Variants in SLC44A5 observed in about 807,000 individuals in gnomAD.
SLC44A5 encodes solute carrier family 44 member 5.
Under a neutral mutation model 101.8 loss-of-function variants are expected in SLC44A5, and 57 were observed. That is an observed-to-expected ratio of 0.56 (90% CI 0.45 to 0.70). SLC44A5 has a LOEUF of 0.70. Ranked by LOEUF, SLC44A5 falls within the 30% of genes least tolerant of loss-of-function variation. SLC44A5 has a pLI of 0.00. For synonymous variants in SLC44A5, 281 were observed against 290.9 expected (o/e 0.97, Z 0.35); for missense variants, 737 against 853.1 (o/e 0.86, Z 1.70).
intron 2 of SLC44A5, among the ~76,000 whole-genome samples, chr1:75,504,364 T>A (rs1038215447): frequency 6.6e-6 from 1 of 152,162 alleles, no homozygotes; most frequent in Non-Finnish European, 1.5e-5. Flanking sequence ...CATATATTTC[T>A]TAATGTTTGT....
chr1:75,646,510 G>A, the SLC44A5 span, among the ~76,000 whole-genome samples: 6 of 152,090 alleles, frequency 3.9e-5, no homozygotes, highest in Non-Finnish European at 8.8e-5. Context: ...CAGTTGATAT[G>A]GCCTGGCTCT....
chr1:75,429,519 G>A (rs1335023373), intron 2 of SLC44A5, among the ~76,000 whole-genome samples: 1 of 152,156 alleles, frequency 6.6e-6, no homozygotes, highest in African/African-American at 2.4e-5. Context: ...GTGGGCATAA[G>A]TGTTGGTCTG....
At chr1:75,253,896 T>C (rs1365451711) in intron 6 of SLC44A5, among the ~76,000 whole-genome samples, 1 of 152,198 alleles carries the variant, frequency 6.6e-6, no homozygotes, top group Non-Finnish European at 1.5e-5. Flanking sequence ...TGTTTTGGAA[T>C]GAATGAGACC....
intron 2 of SLC44A5, among the ~76,000 whole-genome samples, chr1:75,466,735 C>T (rs1368399957): frequency 6.7e-6 from 1 of 149,576 alleles, no homozygotes; most frequent in East Asian, 2.0e-4. Context: ...TAGCTATTAT[C>T]ATACTGAATG....
chr1:75,543,674 C>T (rs920370744), intron 1 of SLC44A5, among the ~76,000 whole-genome samples: 2 of 90,916 alleles, frequency 2.2e-5, no homozygotes, highest in African/African-American at 8.9e-5. Context: ...CATATATACA[C>T]ACATATATAT....
chr1:75,297,319 C>T (rs1487950431), intron 5 of SLC44A5, among the ~76,000 whole-genome samples: 6 of 152,200 alleles, frequency 3.9e-5, no homozygotes, highest in Admixed American at 3.3e-4. Flanking sequence ...AAGTCTGGCT[C>T]TATCACCCAG....
At chr1:75,648,271 T>A in the SLC44A5 span, among the ~76,000 whole-genome samples, 1 of 152,202 alleles carries the variant, frequency 6.6e-6, no homozygotes, top group Non-Finnish European at 1.5e-5. Context: ...CCATGATGTT[T>A]AAAAGTTTCC....
the SLC44A5 span, among the ~76,000 whole-genome samples, chr1:75,626,845 T>C: frequency 6.6e-6 from 1 of 152,150 alleles, no homozygotes; most frequent in Non-Finnish European, 1.5e-5. Context: ...TATGCTTCTG[T>C]TCTTAAAGCT....
the SLC44A5 span, among the ~76,000 whole-genome samples, chr1:75,681,153 A>T: frequency 4.6e-5 from 7 of 152,302 alleles, no homozygotes; most frequent in Admixed American, 6.5e-5. Context: ...CCAGGACCAG[A>T]TGGATTCACA....
chr1:75,662,409 G>A, the SLC44A5 span, among the ~76,000 whole-genome samples: 2 of 152,022 alleles, frequency 1.3e-5, no homozygotes, highest in Non-Finnish European at 2.9e-5. Flanking sequence ...CAAAAGTACA[G>A]CTAGATAAGA....
chr1:75,220,073 AT>A (rs1278561731), intron 14 of SLC44A5, among the ~76,000 whole-genome samples, 181 bp from the exon 15 acceptor site: 2 of 151,990 alleles, frequency 1.3e-5, no homozygotes, highest in Non-Finnish European at 2.9e-5. Flanking sequence ...ACGTTGAGGC[AT>A]TTTTCCGATG....
At chr1:75,444,540 A>G (rs1358099974) in intron 2 of SLC44A5, among the ~76,000 whole-genome samples, 1 of 150,252 alleles carries the variant, frequency 6.7e-6, no homozygotes, top group Non-Finnish European at 1.5e-5. Context: ...ATCGAAGGAG[A>G]CATAGGAATA....
chr1:75,544,642 T>A (rs1324401428), intron 1 of SLC44A5, among the ~76,000 whole-genome samples: 1 of 152,244 alleles, frequency 6.6e-6, no homozygotes, highest in Non-Finnish European at 1.5e-5. Context: ...TAACACAGTA[T>A]ATTTATCAAA....
intron 4 of SLC44A5, among the ~76,000 whole-genome samples, chr1:75,329,900 G>A (rs938299390): frequency 3.3e-5 from 5 of 151,808 alleles, no homozygotes; most frequent in East Asian, 3.9e-4. Context: ...AAATACTGCC[G>A]AAGATTCTCC....
chr1:75,248,568 A>G (rs1277183925), intron 7 of SLC44A5, among the ~76,000 whole-genome samples: 1 of 152,122 alleles, frequency 6.6e-6, no homozygotes, highest in African/African-American at 2.4e-5. Flanking sequence ...TGAGACAGGA[A>G]GCAAAGTTAG....
chr1:75,649,829 T>C, the SLC44A5 span, among the ~76,000 whole-genome samples: 2 of 152,196 alleles, frequency 1.3e-5, no homozygotes, highest in Non-Finnish European at 2.9e-5. Context: ...CAGAGGTGTA[T>C]GCCTGTACTG....
intron 4 of SLC44A5, among the ~76,000 whole-genome samples, chr1:75,333,711 G>A (rs551257232): frequency 1.3e-5 from 2 of 152,166 alleles, no homozygotes; most frequent in Non-Finnish European, 2.9e-5. Context: ...TGTGATCAGT[G>A]AAATTAATAG....
At chr1:75,405,945 C>CAA in intron 2 of SLC44A5, among the ~76,000 whole-genome samples, 1 of 145,054 alleles carries the variant, frequency 6.9e-6, no homozygotes, top group Middle Eastern at 3.6e-3. Context: ...AAAAGATCAA[C>CAA]AAAATAGATA....
chr1:75,511,213 G>C (rs1018549313), intron 2 of SLC44A5, among the ~76,000 whole-genome samples: 4 of 152,170 alleles, frequency 2.6e-5, no homozygotes, highest in Non-Finnish European at 4.4e-5. Context: ...TGTTGCCTTA[G>C]ATCTTGCTAT....
Sources: allele counts gnomAD v4.1 joint callset (sites outside exome capture counted in the v4.1 genomes callset), GRCh38; gene constraint gnomAD v4.1.1; transcripts MANE v1.5; gene names NCBI Gene and HGNC (gene_info 2026-07-23, HGNC 2026-07-21).